Variants in RGS6 observed in about 807,000 individuals in gnomAD.
RGS6 encodes regulator of G protein signaling 6.
Under a neutral mutation model 78.5 loss-of-function variants are expected in RGS6, and 30 were observed. The observed-to-expected ratio is 0.38, with a 90% CI of 0.29 to 0.52. RGS6 has a LOEUF of 0.52. Among genes scored for constraint, RGS6 ranks in the 20% least tolerant of loss-of-function variants. The probability of loss-of-function intolerance (pLI) is 0.85; values close to 1 mark genes in which losing one functional copy is unlikely to be tolerated. For missense variants in RGS6, 495 were observed against 609.7 expected (o/e 0.81, Z 1.98); for synonymous variants, 206 against 206.0 (o/e 1.00, Z 0.00).
intron 2 of RGS6, among the ~76,000 whole-genome samples, chr14:72,200,645 G>A (rs897777487): frequency 7.9e-5 from 12 of 151,956 alleles, no homozygotes; most frequent in Non-Finnish European, 1.6e-4. Context: ...GTGACTGCAC[G>A]GCTCATTGCA....
intron 15 of RGS6, 74 bp downstream of exon 15, chr14:72,518,611 G>A: frequency 7.3e-7 from 1 of 1,378,382 alleles, no homozygotes; most frequent in Non-Finnish European, 1.0e-6. Flanking sequence ...ATTAACACAA[G>A]TTCAAGGCAT....
intron 3 of RGS6, among the ~76,000 whole-genome samples, chr14:72,369,111 C>T (rs1205908484): frequency 6.6e-6 from 1 of 152,170 alleles, no homozygotes; most frequent in Admixed American, 6.5e-5. Flanking sequence ...TGTTAGGCTA[C>T]ATTCAAAGCC....
chr14:72,451,127 G>C (rs1409731006), intron 3 of RGS6, among the ~76,000 whole-genome samples: 1 of 152,160 alleles, frequency 6.6e-6, no homozygotes, highest in Non-Finnish European at 1.5e-5. Flanking sequence ...GGCATGGAAG[G>C]GATGGTGGCG....
chr14:72,169,617 T>C (rs1394844280), intron 2 of RGS6, among the ~76,000 whole-genome samples: 2 of 152,226 alleles, frequency 1.3e-5, no homozygotes, highest in African/African-American at 4.8e-5. Flanking sequence ...TTGTTTCTTT[T>C]CTTATCGTGG....
intron 2 of RGS6, among the ~76,000 whole-genome samples, chr14:72,043,578 T>C (rs902732778): frequency 6.6e-5 from 10 of 152,210 alleles, no homozygotes; most frequent in Admixed American, 4.6e-4. Context: ...TCTTCTTGCA[T>C]GGTTTCTAAC....
At chr14:71,890,528 C>A in the RGS6 span, among the ~76,000 whole-genome samples, 1 of 152,202 alleles carries the variant, frequency 6.6e-6, no homozygotes, top group African/African-American at 2.4e-5. Flanking sequence ...CCAACCCACT[C>A]TTCCAAAGGT....
At chr14:71,968,254 C>G (rs1214954952) in intron 2 of RGS6, among the ~76,000 whole-genome samples, 1 of 152,050 alleles carries the variant, frequency 6.6e-6, no homozygotes, top group Non-Finnish European at 1.5e-5. Flanking sequence ...TCAAAGGACC[C>G]CCTCCACAAG....
chr14:72,404,383 G>C (rs1004499127), intron 3 of RGS6, among the ~76,000 whole-genome samples: 1 of 152,174 alleles, frequency 6.6e-6, no homozygotes, highest in Non-Finnish European at 1.5e-5. Context: ...AATGTGCTCT[G>C]TATGAAGCCA....
intron 13 of RGS6, among the ~76,000 whole-genome samples, chr14:72,496,413 G>A (rs1476907713): frequency 6.6e-6 from 1 of 152,224 alleles, no homozygotes; most frequent in African/African-American, 2.4e-5. Context: ...ACGCATCTTT[G>A]CAAATCTGGC....
At chr14:71,983,139 C>T (rs1162105451) in intron 2 of RGS6, among the ~76,000 whole-genome samples, 1 of 152,166 alleles carries the variant, frequency 6.6e-6, no homozygotes, top group African/African-American at 2.4e-5. Context: ...GACTGGGCAT[C>T]TGGATGTCCA....
the RGS6 span, among the ~76,000 whole-genome samples, chr14:72,579,670 C>A: frequency 6.6e-6 from 1 of 152,142 alleles, no homozygotes; most frequent in Non-Finnish European, 1.5e-5. Context: ...CAACACTCAC[C>A]AATTTGACAT....
At chr14:71,993,247 A>T (rs1341274143) in intron 2 of RGS6, among the ~76,000 whole-genome samples, 1 of 152,168 alleles carries the variant, frequency 6.6e-6, no homozygotes, top group Non-Finnish European at 1.5e-5. Context: ...AATTGGAACC[A>T]TTGCTTTGCT....
intron 13 of RGS6, among the ~76,000 whole-genome samples, chr14:72,501,137 C>T (rs2096719536): frequency 6.6e-6 from 1 of 152,024 alleles, no homozygotes; most frequent in Non-Finnish European, 1.5e-5. Flanking sequence ...TGAAGGGGTC[C>T]AGGCAGGCTC....
At chr14:72,132,949 C>T (rs939682058) in intron 2 of RGS6, among the ~76,000 whole-genome samples, 8 of 151,968 alleles carry the variant, frequency 5.3e-5, no homozygotes, top group African/African-American at 1.9e-4. Context: ...AAATGTGTTC[C>T]ATTAGATGTT....
chr14:72,273,222 T>C (rs1248202231), intron 2 of RGS6, among the ~76,000 whole-genome samples: 4 of 152,198 alleles, frequency 2.6e-5, no homozygotes, highest in Non-Finnish European at 5.9e-5. Context: ...CTTGAGAAAG[T>C]TGATTCCGGC....
At chr14:72,381,224 T>C (rs963924820) in intron 3 of RGS6, among the ~76,000 whole-genome samples, 4 of 152,104 alleles carry the variant, frequency 2.6e-5, no homozygotes, top group Admixed American at 2.6e-4. Flanking sequence ...AAGTAAGTTC[T>C]AGTGCTCTAT....
In RGS6 at chr14:72,395,677, TC is replaced by T. The variant is rs2091066665; in HGVS notation, c.184+43487del. On this transcript the variant is annotated intron_variant, in intron 3 of 17. Coordinates refer to ENST00000553525, the MANE Select transcript of RGS6 (RefSeq NM_001204424.2). ...TAGGTATATCTCCTAATGCTATCCC[TC>T]CCCTTCCCCCCACCCCACAACAGGC... 2.0e-5 allele frequency among the ~76,000 whole-genome samples: 3 copies of T among 152,092 alleles called. No individual in the cohort carries two copies. The South Asian group carries it at 6.2e-4, about 32-fold the overall frequency.
intron 2 of RGS6, among the ~76,000 whole-genome samples, chr14:72,228,987 G>A (rs1266304563): frequency 1.3e-5 from 2 of 152,162 alleles, no homozygotes; most frequent in African/African-American, 2.4e-5. Flanking sequence ...CCTGGGAAGC[G>A]GAGGTTGCAG....
intron 2 of RGS6, among the ~76,000 whole-genome samples, chr14:71,996,726 T>G (rs542601190): frequency 2.6e-5 from 4 of 151,434 alleles, no homozygotes; most frequent in Admixed American, 2.6e-4. Context: ...AAGTGACATC[T>G]AAGCTGAGAA....
Sources: gnomAD v4.1 joint callset for allele counts (sites outside exome capture counted in the v4.1 genomes callset) on GRCh38, gnomAD v4.1.1 for gene constraint, MANE v1.5 for transcripts, NCBI Gene and HGNC (gene_info 2026-07-23, HGNC 2026-07-21) for gene names.